The following DLG2 variants were observed in gnomAD, a reference collection of about 807,000 sequenced individuals.
The protein encoded by DLG2 is discs large MAGUK scaffold protein 2.
A neutral mutation model predicts 132.5 loss-of-function variants in DLG2; 45 were observed. The ratio of observed to expected loss-of-function variants is 0.34; its 90% CI spans 0.27 to 0.44. DLG2 has a LOEUF of 0.44. Ranked by LOEUF, DLG2 falls within the 20% of genes least tolerant of loss-of-function variation. The probability of loss-of-function intolerance (pLI) is 1.00; values close to 1 mark genes in which losing one functional copy is unlikely to be tolerated. For missense variants in DLG2, 1,045 were observed against 1,196.9 expected, an observed-to-expected ratio of 0.87 and a Z score of 1.87; for synonymous variants, 424 against 419.6, an observed-to-expected ratio of 1.01 and a Z score of -0.13.
intron 17 of DLG2, among the ~76,000 whole-genome samples, chr11:83,830,744 A>T (rs963340800): frequency 6.6e-6 from 1 of 152,230 alleles, no homozygotes; most frequent in Admixed American, 6.5e-5. Flanking sequence ...AGCTGTGGAG[A>T]CATAGACAGA....
chr11:85,086,642 G>A (rs1453320156), intron 6 of DLG2, among the ~76,000 whole-genome samples: 5 of 152,112 alleles, frequency 3.3e-5, no homozygotes, highest in Non-Finnish European at 7.4e-5. Context: ...CCAAAATCAG[G>A]AAGGAGAGGC....
chr11:84,442,732 AAG>A (rs986450543), intron 7 of DLG2, among the ~76,000 whole-genome samples: 3 of 151,706 alleles, frequency 2.0e-5, no homozygotes, highest in Non-Finnish European at 2.9e-5. Context: ...GAAAGAAAGA[AAG>A]AAATTTCAGT....
chr11:84,011,322 C>G (rs982733370), intron 11 of DLG2, among the ~76,000 whole-genome samples: 1 of 151,654 alleles, frequency 6.6e-6, no homozygotes, highest in Non-Finnish European at 1.5e-5. Context: ...AATACAAAAA[C>G]TAGCCAGGTG....
At chr11:84,075,895 T>A (rs1265265751) in intron 10 of DLG2, among the ~76,000 whole-genome samples, 1 of 152,186 alleles carries the variant, frequency 6.6e-6, no homozygotes. Context: ...GAGCCGGAAC[T>A]CCCTGACTTA....
chr11:84,557,607 T>C (rs2099414500), intron 6 of DLG2, among the ~76,000 whole-genome samples: 1 of 152,130 alleles, frequency 6.6e-6, no homozygotes, highest in African/African-American at 2.4e-5. Flanking sequence ...CAAAACTAGA[T>C]CATTTCTTTT....
At chr11:84,655,208 C>T (rs1237445449) in intron 6 of DLG2, among the ~76,000 whole-genome samples, 1 of 152,102 alleles carries the variant, frequency 6.6e-6, no homozygotes, top group Non-Finnish European at 1.5e-5. Context: ...CTATTTCCTC[C>T]CGTCCCATTC....
intron 19 of DLG2, among the ~76,000 whole-genome samples, chr11:83,579,191 G>C (rs943817288): frequency 6.6e-6 from 1 of 152,046 alleles, no homozygotes; most frequent in African/African-American, 2.4e-5. Flanking sequence ...CTTAATGTAA[G>C]ATATTTGGAC....
rs145543978 is a variant in DLG2 at position 84,825,519 on chromosome 11, G to A, written c.357+286142C>T. 4.6e-3 allele frequency among the ~76,000 whole-genome samples: 703 copies of A among 152,008 alleles called. 2 individuals carry two copies. The highest frequency in any genetic ancestry group is 7.1e-3 in the Non-Finnish European group (485 of 67,878). On this transcript the variant is annotated intron_variant, in intron 6 of 27. Transcript: ENST00000376104. ...GCAATTAAGTTCAGGAATGCCGTAA[G>A]CTGTGATAAAGTTGTATTTCTTGAC... is the stretch of plus-strand genomic sequence containing the variant.
chr11:84,565,243 T>C (rs2154526835), intron 6 of DLG2, among the ~76,000 whole-genome samples: 1 of 152,302 alleles, frequency 6.6e-6, no homozygotes, highest in East Asian at 1.9e-4. Flanking sequence ...CGCACTCAAA[T>C]TACCTGTAAA....
chr11:84,470,658 C>T (rs537304154), intron 7 of DLG2, among the ~76,000 whole-genome samples: 49 of 151,798 alleles, frequency 3.2e-4, no homozygotes, highest in African/African-American at 1.2e-3. Context: ...TGGTAAGGAC[C>T]ATTCTCCCTG....
chr11:84,822,072 C>T (rs1443234258), intron 6 of DLG2, among the ~76,000 whole-genome samples: 1 of 150,750 alleles, frequency 6.6e-6, no homozygotes, highest in African/African-American at 2.4e-5. Context: ...TGAGAGAAAG[C>T]CATTTTGGTA....
chr11:83,563,325 C>T (rs947911743), intron 19 of DLG2, among the ~76,000 whole-genome samples: 1 of 152,122 alleles, frequency 6.6e-6, no homozygotes, highest in East Asian at 1.9e-4. Context: ...CTAAATTAAA[C>T]GTTCTTTGAT....
At chr11:83,530,202 AG>A (rs2095705753) in intron 21 of DLG2, among the ~76,000 whole-genome samples, 1 of 152,110 alleles carries the variant, frequency 6.6e-6, no homozygotes, top group Non-Finnish European at 1.5e-5. Flanking sequence ...GTATACAAGT[AG>A]TATTTGTTTG....
intron 6 of DLG2, among the ~76,000 whole-genome samples, chr11:84,932,806 G>GCAA (rs1262612901): frequency 9.2e-5 from 14 of 152,096 alleles, no homozygotes; most frequent in South Asian, 4.1e-4. Flanking sequence ...ATTATAAATA[G>GCAA]TGCTGCGATA....
chr11:83,636,027 C>G (rs139075042), intron 18 of DLG2, among the ~76,000 whole-genome samples: 28 of 152,258 alleles, frequency 1.8e-4, no homozygotes, highest in African/African-American at 6.5e-4. Flanking sequence ...TTGATAAATA[C>G]TACATGTCAT....
intron 6 of DLG2, among the ~76,000 whole-genome samples, chr11:84,576,242 T>G (rs1460597357): frequency 6.6e-6 from 1 of 152,238 alleles, no homozygotes; most frequent in East Asian, 1.9e-4. Context: ...AATAATCTAT[T>G]TTGTTTGCTA....
At chr11:84,160,806 T>G (rs746283482) in intron 9 of DLG2, among the ~76,000 whole-genome samples, 10 of 152,188 alleles carry the variant, frequency 6.6e-5, no homozygotes, top group Non-Finnish European at 1.0e-4. Context: ...GAACTTTCCT[T>G]CATTGCCATG....
At chr11:85,259,855 T>C (rs1247155370) in intron 4 of DLG2, among the ~76,000 whole-genome samples, 1 of 152,160 alleles carries the variant, frequency 6.6e-6, no homozygotes, top group Non-Finnish European at 1.5e-5. Context: ...AGTTTATTGA[T>C]GTAGAAATTG....
At chr11:84,971,404 A>G (rs552540948) in intron 6 of DLG2, among the ~76,000 whole-genome samples, 142 of 152,328 alleles carry the variant, frequency 9.3e-4, no homozygotes, top group African/African-American at 3.4e-3. Context: ...TTATGAATAC[A>G]TTGTGAGTTA....
Sources: gnomAD v4.1 joint callset for allele counts (sites outside exome capture counted in the v4.1 genomes callset) on GRCh38, gnomAD v4.1.1 for gene constraint, MANE v1.5 for transcripts, NCBI Gene and HGNC (gene_info 2026-07-23, HGNC 2026-07-21) for gene names.